OR51E1: variants seen among roughly 807,000 people sequenced by gnomAD.
The protein encoded by OR51E1 is olfactory receptor family 51 subfamily E member 1.
OR51E1 carries 9 observed loss-of-function variants against 11.5 expected under a neutral mutation model. The ratio of observed to expected loss-of-function variants is 0.78; its 90% confidence interval spans 0.47 to 1.37. The LOEUF (loss-of-function observed/expected upper bound fraction) is 1.37. Among genes scored for constraint, OR51E1 ranks in the 40% most tolerant of loss-of-function variants. The probability of loss-of-function intolerance (pLI) is 0.00; values close to 1 mark genes in which losing one functional copy is unlikely to be tolerated. For synonymous variants in OR51E1, 168 were observed against 158.3 expected (o/e 1.06, Z -0.46); for missense variants, 397 against 410.2 (o/e 0.97, Z 0.28).
rs1411337129 is a variant in OR51E1 at position 4,647,147 on chromosome 11, A to T, written c.-40+3117A>T. ...CCTCACCTTCTGCAGAGCTGTTCCC[A>T]GATTAGAGATAATATTTATACAGAT... On this transcript the variant is annotated intron_variant, in intron 1 of 1. Transcript: ENST00000396952. 2.0e-5 allele frequency among the ~76,000 whole-genome samples: 3 copies of T among 152,340 alleles called. No individual in the cohort carries two copies. The East Asian group carries it at 5.8e-4, about 29-fold the overall frequency.
chr11:4,648,336 C>G (rs1008099184), intron 1 of OR51E1, among the ~76,000 whole-genome samples: 1 of 152,114 alleles, frequency 6.6e-6, no homozygotes, highest in Non-Finnish European at 1.5e-5. Context: ...ATTAAGGTGA[C>G]AAATTTGGGG....
chr11:4,647,696 G>T (rs1000416777), intron 1 of OR51E1, among the ~76,000 whole-genome samples: 1 of 152,124 alleles, frequency 6.6e-6, no homozygotes, highest in Admixed American at 6.5e-5. Context: ...GGGAGCTCCT[G>T]TTCCCCTATT....
At chr11:4,644,383 C>A (rs4910522) in intron 1 of OR51E1, among the ~76,000 whole-genome samples, 1,552 of 151,384 alleles carry the variant, frequency 0.01, 30 homozygotes, top group African/African-American at 0.036. Context: ...GGGGTTGGGT[C>A]GGGGTTTGGT....
chr11:4,648,819 T>C (rs915361754), intron 1 of OR51E1, among the ~76,000 whole-genome samples: 7 of 152,198 alleles, frequency 4.6e-5, no homozygotes, highest in Non-Finnish European at 1.0e-4. Flanking sequence ...CCACTTTGCA[T>C]TTATTAGGAC....
Position 4,653,624 on chromosome 11 carries a change from G to T in OR51E1, c.*141G>T, listed in dbSNP as rs1370149540. The T allele has an allele frequency of 1.4e-5, 8 of 562,070 alleles. No homozygotes were observed. In the East Asian group the frequency reaches 1.8e-4, roughly 12 times the overall value. The allele number at this position is 562,070 out of a possible 1,614,324, so 34.8% of individuals were successfully genotyped here. On this transcript the variant is annotated 3_prime_UTR_variant, in exon 2 of 2. Transcript: ENST00000396952. Reference sequence around the variant, plus strand: ...TCCTTCAAATATGAAACTGGTTGGGGAATCTCCATTTTTTCAATATTATTT... The same window carrying T: ...TCCTTCAAATATGAAACTGGTTGGGTAATCTCCATTTTTTCAATATTATTT...
chr11:4,653,556 A>G lies in OR51E1; in HGVS notation c.*73A>G. On this transcript the variant is annotated 3_prime_UTR_variant, in exon 2 of 2. Coordinates refer to ENST00000396952, the MANE Select transcript of OR51E1 (RefSeq NM_152430.4). The stretch of plus-strand genomic sequence containing the variant: ...TTTTAATGTTAACATTTTGGAAGAC[A>G]GTATTCAGAAAAAAAATTTCCTTAA... The G allele has an allele frequency of 7.3e-6, 7 of 952,400 alleles. No homozygotes were observed. Among genetic ancestry groups the G allele is most frequent in the South Asian group, 1.8e-5 (1 of 56,632 alleles). 59.0% of individuals were successfully genotyped at this position (952,400 alleles called of 1,614,324 possible). A position where few individuals can be genotyped will look rare whatever the true frequency, so the allele number is the denominator to read the frequency against.
chr11:4,646,337 C>T (rs1316883528), intron 1 of OR51E1, among the ~76,000 whole-genome samples: 2 of 152,096 alleles, frequency 1.3e-5, no homozygotes, highest in African/African-American at 2.4e-5. Context: ...GTCCTGAGTC[C>T]GAGAGGGGCC....
At chr11:4,645,619 G>T (rs921294367) in intron 1 of OR51E1, among the ~76,000 whole-genome samples, 3 of 152,208 alleles carry the variant, frequency 2.0e-5, no homozygotes, top group African/African-American at 7.2e-5. Flanking sequence ...CCCACTTTGG[G>T]CATTTCCCTT....
At chr11:4,650,389 T>G (rs1235765341) in intron 1 of OR51E1, among the ~76,000 whole-genome samples, 1 of 152,208 alleles carries the variant, frequency 6.6e-6, no homozygotes, top group African/African-American at 2.4e-5. Context: ...TGCCACATGC[T>G]GCAGAGAAGC....
chr11:4,655,349 C>T lies in OR51E1; in HGVS notation c.*1866C>T, dbSNP rs902580901. On this transcript the variant is annotated 3_prime_UTR_variant, in exon 2 of 2. Transcript: ENST00000396952. ...GTGACTTGGGAAGCTATGTGTTACA[C>T]AGAGTAAATCACCAGAAGCCTGGAT... 4 of 167,090 alleles carry T rather than the reference C, an allele frequency of 2.4e-5. No individual in the cohort carries two copies. The highest frequency in any genetic ancestry group is 7.2e-5 in the African/African-American group (3 of 41,454). The allele number at this position is 167,090 out of a possible 1,614,324, so 10.4% of individuals were successfully genotyped here. A position where few individuals can be genotyped will look rare whatever the true frequency, so the allele number is the denominator to read the frequency against.
chr11:4,649,251 A>G (rs1404129155), intron 1 of OR51E1, among the ~76,000 whole-genome samples: 1 of 152,230 alleles, frequency 6.6e-6, no homozygotes, highest in Non-Finnish European at 1.5e-5. Flanking sequence ...TTGAGCACAG[A>G]ACAGTAAGCA....
At chr11:4,644,830 A>T (rs908274687) in intron 1 of OR51E1, among the ~76,000 whole-genome samples, 1 of 152,110 alleles carries the variant, frequency 6.6e-6, no homozygotes, top group Non-Finnish European at 1.5e-5. Context: ...ACCCTGCAAG[A>T]CCCTGTTACC....
chr11:4,647,494 A>G (rs1422075267), intron 1 of OR51E1, among the ~76,000 whole-genome samples: 1 of 151,838 alleles, frequency 6.6e-6, no homozygotes, highest in Non-Finnish European at 1.5e-5. Context: ...CCATCCCTTC[A>G]TTTCTCTCCT....
intron 1 of OR51E1, among the ~76,000 whole-genome samples, chr11:4,649,005 A>G (rs1758754824): frequency 6.6e-6 from 1 of 152,184 alleles, no homozygotes; most frequent in South Asian, 2.1e-4. Flanking sequence ...TCTAGTACAG[A>G]TAACAGGCAG....
rs1283791133 is a variant in OR51E1, at chr11:4,653,646, A to G, written c.*163A>G. On this transcript the variant is annotated 3_prime_UTR_variant, in exon 2 of 2. Transcript: ENST00000396952. ...GGGGAATCTCCATTTTTTCAATATT[A>G]TTTTCTTCTTTGTTTTCTTGCTACA... is the stretch of plus-strand genomic sequence containing the variant. 1.8e-6 allele frequency: 1 copy of G among 559,936 alleles called. No individual in the cohort carries two copies. The highest frequency in any genetic ancestry group is 3.2e-6 in the Non-Finnish European group (1 of 310,976). The allele number at this position is 559,936 out of a possible 1,614,324, so 34.7% of individuals were successfully genotyped here.
At position 4,655,219 on chromosome 11, in the gene OR51E1, T is replaced by G. The variant is rs921060490; in HGVS notation, c.*1736T>G. 2 of 167,124 alleles carry G rather than the reference T, an allele frequency of 1.2e-5. No individual in the cohort carries two copies. Among genetic ancestry groups the G allele is most frequent in the African/African-American group, 2.4e-5 (1 of 41,454 alleles). The allele number at this position is 167,124 out of a possible 1,614,324, so 10.4% of individuals were successfully genotyped here. On this transcript the variant is annotated 3_prime_UTR_variant, in exon 2 of 2. Coordinates refer to ENST00000396952, the MANE Select transcript of OR51E1 (RefSeq NM_152430.4). Reference sequence around the variant, plus strand: ...CAGCCTTCTTTGAGTTGGGTATTATTAAATTCTGGCCATTACTTCCAATGT... The same window carrying G: ...CAGCCTTCTTTGAGTTGGGTATTATGAAATTCTGGCCATTACTTCCAATGT...
intron 1 of OR51E1, among the ~76,000 whole-genome samples, chr11:4,648,150 G>A (rs1392566849): frequency 6.6e-6 from 1 of 152,156 alleles, no homozygotes; most frequent in Non-Finnish European, 1.5e-5. Context: ...TGATATTTTA[G>A]CCCCAGCGAT....
At chr11:4,647,652 A>G (rs990426936) in intron 1 of OR51E1, among the ~76,000 whole-genome samples, 1 of 152,076 alleles carries the variant, frequency 6.6e-6, no homozygotes, top group African/African-American at 2.4e-5. Context: ...GAGAGGACTG[A>G]AGGCCTCCAC....
chr11:4,646,494 G>T (rs1392794487), intron 1 of OR51E1, among the ~76,000 whole-genome samples: 3 of 152,182 alleles, frequency 2.0e-5, no homozygotes, highest in Non-Finnish European at 4.4e-5. Context: ...AGCACTAAGG[G>T]CTCTAACTAA....
Sources: gnomAD v4.1 joint callset for allele counts (sites outside exome capture counted in the v4.1 genomes callset) on GRCh38, gnomAD v4.1.1 for gene constraint, MANE v1.5 for transcripts, NCBI Gene and HGNC (gene_info 2026-07-23, HGNC 2026-07-21) for gene names.